Variants in KIAA0825 observed in about 807,000 individuals in gnomAD.
KIAA0825 encodes uncharacterized protein KIAA0825.
Under a neutral mutation model 147.6 loss-of-function variants are expected in KIAA0825, and 119 were observed. The observed-to-expected ratio is 0.81, with a 90% CI of 0.69 to 0.94. The LOEUF (loss-of-function observed/expected upper bound fraction) is 0.94, where lower values mean the gene tolerates loss of function less well. KIAA0825 is among the 40% of genes least tolerant of loss of function. The pLI is 0.00. For synonymous variants in KIAA0825, 470 were observed against 518.1 expected (o/e 0.91, Z 1.26); for missense variants, 1,381 against 1,472.7 (o/e 0.94, Z 1.02).
chr5:94,165,645 A>G (rs1391673296), intron 20 of KIAA0825, among the ~76,000 whole-genome samples: 2 of 152,216 alleles, frequency 1.3e-5, no homozygotes, highest in Non-Finnish European at 2.9e-5. Context: ...TGTGGTACAT[A>G]TACACAATGG....
chr5:94,333,471 T>C (rs186851234), intron 20 of KIAA0825, among the ~76,000 whole-genome samples: 25 of 152,300 alleles, frequency 1.6e-4, no homozygotes, highest in Admixed American at 1.4e-3. Flanking sequence ...CCAACATCTT[T>C]ATTAAATAGG....
intron 20 of KIAA0825, among the ~76,000 whole-genome samples, chr5:94,234,996 C>T (rs1774961490): frequency 6.6e-6 from 1 of 151,938 alleles, no homozygotes; most frequent in Non-Finnish European, 1.5e-5. Context: ...TGTCTCTCTC[C>T]CTCTCCTTGG....
At chr5:94,342,660 A>G (rs1258123981) in intron 20 of KIAA0825, among the ~76,000 whole-genome samples, 1 of 152,226 alleles carries the variant, frequency 6.6e-6, no homozygotes, top group Non-Finnish European at 1.5e-5. Flanking sequence ...TTCATTATTT[A>G]TAGAAATTAA....
At chr5:94,442,210 T>TC (rs34996652) in intron 13 of KIAA0825, among the ~76,000 whole-genome samples, 1 of 152,150 alleles carries the variant, frequency 6.6e-6, no homozygotes, top group East Asian at 1.9e-4. Context: ...TCGAAGCACC[T>TC]CCCCCTTGGC....
In KIAA0825 at chr5:94,154,108, CCTT is replaced by C. The variant is rs1395602273; in HGVS notation, c.3724_3726del (p.Lys1242del). ...TTTTCTTCCTCTTCTAGTGTTTCATCCTTCTTCATTTCCCACCTAAAAGAAAAA... is the reference window on the plus strand; with the variant it reads ...TTTTCTTCCTCTTCTAGTGTTTCATCCTTCATTTCCCACCTAAAAGAAAAA... On this transcript the variant is annotated inframe_deletion, in exon 21 of 21. Transcript: ENST00000682413. 1.3e-5 allele frequency: 20 copies of C among 1,550,834 alleles called. No individual in the cohort carries two copies. In the East Asian group the frequency reaches 4.9e-4, roughly 38 times the overall value.
At chr5:94,318,090 GAATT>G (rs1779818123) in intron 20 of KIAA0825, among the ~76,000 whole-genome samples, 1 of 151,442 alleles carries the variant, frequency 6.6e-6, no homozygotes, top group Non-Finnish European at 1.5e-5. Context: ...ATTAGAGAGA[GAATT>G]AGTCAAAGGC....
intron 16 of KIAA0825, among the ~76,000 whole-genome samples, chr5:94,401,137 G>C (rs920703807): frequency 2.0e-5 from 3 of 151,950 alleles, no homozygotes; most frequent in Non-Finnish European, 4.4e-5. Flanking sequence ...TGTTTATCAA[G>C]ATGACTCCAA....
intron 20 of KIAA0825, among the ~76,000 whole-genome samples, chr5:94,199,497 T>C (rs1480745541): frequency 6.6e-6 from 1 of 151,396 alleles, no homozygotes; most frequent in East Asian, 1.9e-4. Context: ...GGAAGGGGGG[T>C]GTGGGCAAGT....
chr5:94,418,308 A>C (rs1048583650), intron 14 of KIAA0825, among the ~76,000 whole-genome samples: 1 of 152,148 alleles, frequency 6.6e-6, no homozygotes, highest in African/African-American at 2.4e-5. Context: ...GCTCACTGTT[A>C]TCTTCAAACT....
In KIAA0825 at chr5:94,618,583, G is replaced by A. The variant is rs1033786052; in HGVS notation, c.-236C>T. The A allele has an allele frequency of 4.5e-5, 7 of 154,320 alleles. No individual in the cohort carries two copies. The highest frequency in any genetic ancestry group is 1.4e-4 in the African/African-American group (6 of 41,496). 9.6% of individuals were successfully genotyped at this position (154,320 alleles called of 1,614,324 possible). A position where few individuals can be genotyped will look rare whatever the true frequency, so the allele number is the denominator to read the frequency against. The stretch of plus-strand genomic sequence containing the variant: ...CTCTGCACCAGGTATTACCACCCTG[G>A]CGACGGCTCCGGAGCGTCACTGACA... On this transcript the variant is annotated 5_prime_UTR_variant, in exon 1 of 21. Coordinates refer to ENST00000682413, the MANE Select transcript of KIAA0825 (RefSeq NM_001145678.3).
chr5:94,327,873 G>A (rs1289409797), intron 20 of KIAA0825, among the ~76,000 whole-genome samples: 1 of 152,020 alleles, frequency 6.6e-6, no homozygotes, highest in Non-Finnish European at 1.5e-5. Context: ...GGGCGTGGTG[G>A]TGCGGGCCTG....
In KIAA0825 at chr5:94,543,172, A is replaced by G. The variant is rs184087711; in HGVS notation, c.-1-6045T>C. Reference sequence around the variant, plus strand: ...TTAAAAAAGTCTTGAGGTCAGGTGTAGTGGCTCATGCCTGTAATCCCAGCA... The same window carrying G: ...TTAAAAAAGTCTTGAGGTCAGGTGTGGTGGCTCATGCCTGTAATCCCAGCA... On this transcript the variant is annotated intron_variant, in intron 2 of 20. Coordinates refer to ENST00000682413, the MANE Select transcript of KIAA0825 (RefSeq NM_001145678.3). Among the ~76,000 whole-genome samples, 303 of 152,240 alleles carry G rather than the reference A, an allele frequency of 2.0e-3. 1 individual carries two copies. Among genetic ancestry groups the G allele is most frequent in the African/African-American group, 7.1e-3 (294 of 41,564 alleles).
chr5:94,205,299 A>ATT (rs1554242896), intron 20 of KIAA0825, among the ~76,000 whole-genome samples: 30 of 137,880 alleles, frequency 2.2e-4, no homozygotes, highest in African/African-American at 5.5e-4. Flanking sequence ...ATATATATAT[A>ATT]TTTTGTTTTG....
intron 5 of KIAA0825, among the ~76,000 whole-genome samples, chr5:94,497,690 T>C (rs1764545072): frequency 6.6e-6 from 1 of 152,160 alleles, no homozygotes; most frequent in African/African-American, 2.4e-5. Context: ...ACCTAATCAG[T>C]TGAAAGTACA....
intron 20 of KIAA0825, among the ~76,000 whole-genome samples, chr5:94,369,271 A>C (rs991553444): frequency 3.9e-5 from 6 of 152,318 alleles, no homozygotes; most frequent in African/African-American, 1.4e-4. Flanking sequence ...ACTCGGGGGC[A>C]CAGATTTAGA....
At chr5:94,202,137 T>C (rs1771757603) in intron 20 of KIAA0825, among the ~76,000 whole-genome samples, 1 of 152,228 alleles carries the variant, frequency 6.6e-6, no homozygotes, top group African/African-American at 2.4e-5. Flanking sequence ...TTCAGAATCC[T>C]GACTAAAATT....
rs1249335080 is a variant in KIAA0825, at chr5:94,152,873, T to A, written c.*1134A>T. On this transcript the variant is annotated 3_prime_UTR_variant, in exon 21 of 21. Transcript: ENST00000682413. ...AAAAAAAATTATATATATATATATA[T>A]ATATATATATATATATATATATATA... 3 of 44,320 alleles carry A rather than the reference T, an allele frequency of 6.8e-5. No individual in the cohort carries two copies. Among genetic ancestry groups the A allele is most frequent in the African/African-American group, 1.9e-4 (2 of 10,270 alleles). The allele number at this position is 44,320 out of a possible 1,614,324, so 2.7% of individuals were successfully genotyped here.
intron 20 of KIAA0825, among the ~76,000 whole-genome samples, chr5:94,204,009 T>C (rs1771934075): frequency 6.6e-6 from 1 of 152,162 alleles, no homozygotes; most frequent in African/African-American, 2.4e-5. Flanking sequence ...AATATCAAAC[T>C]GAATGACTAT....
intron 20 of KIAA0825, among the ~76,000 whole-genome samples, chr5:94,298,749 T>G (rs1778253399): frequency 6.6e-6 from 1 of 152,178 alleles, no homozygotes; most frequent in South Asian, 2.1e-4. Context: ...TCGAGTAGTT[T>G]AGTGTTGAAA....
Sources: allele counts gnomAD v4.1 joint callset (sites outside exome capture counted in the v4.1 genomes callset), GRCh38; gene constraint gnomAD v4.1.1; transcripts MANE v1.5; gene names NCBI Gene and HGNC (gene_info 2026-07-23, HGNC 2026-07-21).